The following RPLP1 variants were observed in gnomAD, a reference collection of about 807,000 sequenced individuals.
The protein encoded by RPLP1 is ribosomal protein lateral stalk subunit P1.
In RPLP1, 4 loss-of-function variants were observed where a neutral mutation model predicts 11.6. That is an observed-to-expected ratio of 0.34 (90% CI 0.17 to 0.79). The LOEUF (loss-of-function observed/expected upper bound fraction) is 0.79, where lower values mean the gene tolerates loss of function less well. Among genes scored for constraint, RPLP1 ranks in the 30% least tolerant of loss-of-function variants. The probability of loss-of-function intolerance (pLI) is 0.55; values close to 1 mark genes in which losing one functional copy is unlikely to be tolerated. For missense variants in RPLP1, 133 were observed against 142.8 expected, an observed-to-expected ratio of 0.93 and a Z score of 0.35; for synonymous variants, 54 against 52.2, an observed-to-expected ratio of 1.03 and a Z score of -0.15.
chr15:69,453,613 C>A (rs763395543), intron 1 of RPLP1, 34 bp from the exon 2 acceptor site: 1 of 1,608,014 alleles, frequency 6.2e-7, no homozygotes, highest in Non-Finnish European at 8.5e-7. Flanking sequence ...ACATACGCTA[C>A]GTTTTGATGG....
intron 2 of RPLP1, 178 bp downstream of exon 2, chr15:69,453,899 C>T (rs915881421): frequency 4.9e-6 from 3 of 613,800 alleles, no homozygotes; most frequent in East Asian, 2.8e-5. Context: ...TCAAGTCTTA[C>T]GTTTCCTTAT....
Position 69,453,620 on chromosome 15 carries a change from A to G in RPLP1, c.73-27A>G, listed in dbSNP as rs1370903293. Reference sequence around the variant, plus strand: ...GAGATATTACATACGCTACGTTTTGATGGATTGACGTTTTTATTTGTTGTA... The same window carrying G: ...GAGATATTACATACGCTACGTTTTGGTGGATTGACGTTTTTATTTGTTGTA... On this transcript the variant is annotated intron_variant, in intron 1 of 3. Transcript: ENST00000260379. 3 of 1,612,422 alleles carry G rather than the reference A, an allele frequency of 1.9e-6. No individual in the cohort carries two copies. The African/African-American group carries it at 4.0e-5, about 22-fold the overall frequency.
chr15:69,455,048 G>T, intron 2 of RPLP1, 122 bp from the exon 3 acceptor site: 1 of 1,385,050 alleles, frequency 7.2e-7, no homozygotes, highest in Non-Finnish European at 9.6e-7. Flanking sequence ...GGAACTCACT[G>T]TATATAGTGT....
At position 69,454,085 on chromosome 15, in the gene RPLP1, G is replaced by A. The variant is rs185792452; in HGVS notation, c.147+364G>A. 119 of 248,186 alleles carry A rather than the reference G, an allele frequency of 4.8e-4. 1 individual carries two copies. The highest frequency in any genetic ancestry group is 3.4e-3 in the Admixed American group (63 of 18,370). The allele number at this position is 248,186 out of a possible 1,614,324, so 15.4% of individuals were successfully genotyped here. A position where few individuals can be genotyped will look rare whatever the true frequency, so the allele number is the denominator to read the frequency against. On this transcript the variant is annotated intron_variant, in intron 2 of 3. Transcript: ENST00000260379. ...ACGGAGTCACCCAGGCTGGAGTGCA[G>A]TGGTGCGATCTCAGCTCACTGCAAG...
rs142400150 is a variant in RPLP1 at position 69,455,737 on chromosome 15, G to A, written c.*230G>A. ...TGGTACAGTGTTGAAAACTGCACTG[G>A]GGTGGCAGGAGGAAGGATCAGAGCA... On this transcript the variant is annotated 3_prime_UTR_variant, in exon 4 of 4. Coordinates refer to ENST00000260379, the MANE Select transcript of RPLP1 (RefSeq NM_001003.3). The A allele has an allele frequency of 4.9e-3, 2,642 of 538,644 alleles. 9 individuals carry two copies. Among genetic ancestry groups the A allele is most frequent in the Non-Finnish European group, 6.9e-3 (2,105 of 305,000 alleles). 33.4% of individuals were successfully genotyped at this position (538,644 alleles called of 1,614,324 possible).
chr15:69,452,897 T>C lies in RPLP1; in HGVS notation c.-52T>C. On this transcript the variant is annotated 5_prime_UTR_variant, in exon 1 of 4. Coordinates refer to ENST00000260379, the MANE Select transcript of RPLP1 (RefSeq NM_001003.3). ...GCGTTGGGGTGAGGCCCTCACTTCA[T>C]CCGGCGACTAGCACCGCGTCCGGCA... 1 of 1,515,264 alleles carries C rather than the reference T, an allele frequency of 6.6e-7. No homozygotes were observed. Among genetic ancestry groups the C allele is most frequent in the Non-Finnish European group, 8.9e-7 (1 of 1,119,518 alleles). The allele number at this position is 1,515,264 out of a possible 1,614,324, so 93.9% of individuals were successfully genotyped here. A position where few individuals can be genotyped will look rare whatever the true frequency, so the allele number is the denominator to read the frequency against.
chr15:69,453,449 A>G, intron 1 of RPLP1, 198 bp from the exon 2 acceptor site: 1 of 629,528 alleles, frequency 1.6e-6, no homozygotes, highest in Non-Finnish European at 2.8e-6. Flanking sequence ...TAGCCGCGTG[A>G]CTCAGGCAAG....
Position 69,455,709 on chromosome 15 carries a change from TCATGGTACA to T in RPLP1, c.*203_*211del. ...ATCCTGATGCTAACAAGAAGGCACC[TCATGGTACA>T]GTGTTGAAAACTGCACTGGGGTGGC... On this transcript the variant is annotated 3_prime_UTR_variant, in exon 4 of 4. Coordinates refer to ENST00000260379, the MANE Select transcript of RPLP1 (RefSeq NM_001003.3). 1 of 581,384 alleles carries T rather than the reference TCATGGTACA, an allele frequency of 1.7e-6. No homozygotes were observed. Among genetic ancestry groups the T allele is most frequent in the South Asian group, 2.1e-5 (1 of 47,824 alleles). The allele number at this position is 581,384 out of a possible 1,614,324, so 36.0% of individuals were successfully genotyped here.
chr15:69,453,789 AAGTACCCCC>A, intron 2 of RPLP1, 68 bp downstream of exon 2: 1 of 1,540,188 alleles, frequency 6.5e-7, no homozygotes, highest in East Asian at 2.3e-5. Context: ...GTACATGCTA[AAGTACCCCC>A]AGCGGTGCCA....
At chr15:69,453,376 C>T (rs1404873711) in intron 1 of RPLP1, 4 of 579,708 alleles carry the variant, frequency 6.9e-6, no homozygotes, top group African/African-American at 3.8e-5. Context: ...GCCTTGAATT[C>T]CCCCGGTCGT....
chr15:69,453,814 C>A (rs1202451123), intron 2 of RPLP1, 93 bp downstream of exon 2: 3 of 1,240,702 alleles, frequency 2.4e-6, no homozygotes, highest in Non-Finnish European at 3.6e-6. Context: ...TGCCATAACG[C>A]CCCACATGCC....
intron 2 of RPLP1, chr15:69,454,475 C>T (rs1892404177): frequency 6.6e-6 from 1 of 152,222 alleles, no homozygotes; most frequent in Admixed American, 6.5e-5. Flanking sequence ...GGAGCTTGCA[C>T]TGGCTATTTT....
rs1028850976 is a variant in RPLP1, at chr15:69,455,592, T to C, written c.*85T>C. The C allele has an allele frequency of 1.7e-5, 17 of 1,028,880 alleles. No individual in the cohort carries two copies. In the Admixed American group the frequency reaches 1.7e-4, roughly 10 times the overall value. 63.7% of individuals were successfully genotyped at this position (1,028,880 alleles called of 1,614,324 possible). A position where few individuals can be genotyped will look rare whatever the true frequency, so the allele number is the denominator to read the frequency against. On this transcript the variant is annotated 3_prime_UTR_variant, in exon 4 of 4. Transcript: ENST00000260379. ...AGTTTTGGAATGTGCTCTGCAAAAA[T>C]GGTCTGTTTTGTAATGTTGGCTTTC...
At position 69,455,367 on chromosome 15, in the gene RPLP1, A is replaced by G. The variant is rs1596038166; in HGVS notation, c.266-61A>G. ...TAGTATTATAGACAAAATTGCCATT[A>G]ATTTTTCACAAGTATATGAAGTATG... On this transcript the variant is annotated intron_variant, in intron 3 of 3. Transcript: ENST00000260379. The G allele has an allele frequency of 3.9e-6, 6 of 1,550,960 alleles. No individual in the cohort carries two copies. In the East Asian group the frequency reaches 1.4e-4, roughly 35 times the overall value.
At chr15:69,455,336 A>T (rs1463911) in intron 3 of RPLP1, 49 bp downstream of exon 3, 1,497,195 of 1,504,390 alleles carry the variant, frequency 1, 745,236 homozygotes, top group Non-Finnish European at 1. Context: ...GAGATTTTTT[A>T]AAAAATAGTA....
chr15:69,455,680 G>T lies in RPLP1; in HGVS notation c.*173G>T. ...CCACCATTGCCGGATGTGAGATTTA[G>T]ACAATCCTGATGCTAACAAGAAGGC... On this transcript the variant is annotated 3_prime_UTR_variant, in exon 4 of 4. Transcript: ENST00000260379. 1 of 606,256 alleles carries T rather than the reference G, an allele frequency of 1.6e-6. No homozygotes were observed. Among genetic ancestry groups the T allele is most frequent in the Non-Finnish European group, 2.9e-6 (1 of 346,420 alleles). The allele number at this position is 606,256 out of a possible 1,614,324, so 37.6% of individuals were successfully genotyped here. A position where few individuals can be genotyped will look rare whatever the true frequency, so the allele number is the denominator to read the frequency against.
Position 69,452,847 on chromosome 15 carries a change from C to G in RPLP1, c.-102C>G, listed in dbSNP as rs947441000. 7.1e-5 allele frequency: 78 copies of G among 1,101,690 alleles called. No individual in the cohort carries two copies. The African/African-American group carries it at 1.1e-3, about 16-fold the overall frequency. The allele number at this position is 1,101,690 out of a possible 1,614,324, so 68.2% of individuals were successfully genotyped here. A position where few individuals can be genotyped will look rare whatever the true frequency, so the allele number is the denominator to read the frequency against. On this transcript the variant is annotated 5_prime_UTR_variant, in exon 1 of 4. Transcript: ENST00000260379. ...TTTCCTCAGCTGCCGCCAAGGTGCT[C>G]GGTCCTTCCGAGGAAGCTAAGGCTG...
chr15:69,455,218 G>A lies in RPLP1; in HGVS notation c.196G>A (p.Gly66Ser), dbSNP rs200917641. 78 of 1,607,008 alleles carry A rather than the reference G, an allele frequency of 4.9e-5. No homozygotes were observed. Among genetic ancestry groups the A allele is most frequent in the Non-Finnish European group, 1.9e-5 (22 of 1,176,928 alleles). ...IGSLICNVGA[G>S]GPAPAAGAAP... ...GAGCCTCATCTGCAATGTAGGGGCC[G>A]GTGGACCTGCTCCAGCAGCTGGTGC... Residue 66 changes from glycine to serine, a missense_variant, in exon 3 of 4, where the codon GGT becomes AGT. Transcript: ENST00000260379.
Position 69,456,147 on chromosome 15 carries a change from A to G in RPLP1, c.*640A>G, listed in dbSNP as rs1892434166. The G allele has an allele frequency of 6.6e-6, 1 of 152,234 alleles. No homozygotes were observed. The highest frequency in any genetic ancestry group is 2.4e-5 in the African/African-American group (1 of 41,446). 9.4% of individuals were successfully genotyped at this position (152,234 alleles called of 1,614,324 possible). ...AATAATACCATGAATGGAATTTTCAACTTTTCAGGCTTGGATTTATATAAT... is the reference window on the plus strand; with the variant it reads ...AATAATACCATGAATGGAATTTTCAGCTTTTCAGGCTTGGATTTATATAAT... On this transcript the variant is annotated 3_prime_UTR_variant, in exon 4 of 4. Transcript: ENST00000260379.
Sources: allele counts gnomAD v4.1 joint callset, GRCh38; gene constraint gnomAD v4.1.1; transcripts MANE v1.5; gene names NCBI Gene and HGNC (gene_info 2026-07-23, HGNC 2026-07-21).